The following TPRX1 variants were observed in gnomAD, a reference collection of about 807,000 sequenced individuals.
TPRX1 encodes tetrapeptide repeat homeobox 1.
In TPRX1, 2 loss-of-function variants were observed where a neutral mutation model predicts 8.1. That is an observed-to-expected ratio of 0.25 (90% CI 0.10 to 0.78). TPRX1 has a LOEUF of 0.78. Ranked by LOEUF, TPRX1 falls within the 30% of genes least tolerant of loss-of-function variation. TPRX1 has a pLI of 0.70. For missense variants in TPRX1, 517 were observed against 586.9 expected (o/e 0.88, Z 1.23); for synonymous variants, 257 against 254.1 (o/e 1.01, Z -0.11).
At chr19:47,803,140 T>G (rs548654228) in intron 3 of TPRX1, among the ~76,000 whole-genome samples, 160 bp from the exon 3 acceptor site, 27 of 98,192 alleles carry the variant, frequency 2.7e-4, no homozygotes, top group Middle Eastern at 4.7e-3. Context: ...GCCTGGAGAA[T>G]GGAGGGAAGA....
chr19:47,802,131 G>A lies in TPRX1; in HGVS notation c.1171C>T (p.Arg391Ter), dbSNP rs754457350. Residue 391 changes from arginine to a stop codon, truncating the protein, a stop_gained, in exon 4 of 4, where the codon CGA (arginine) becomes TGA (stop). Coordinates refer to ENST00000535759, the Ensembl canonical transcript of TPRX1. LOFTEE classifies it low-confidence loss of function (END_TRUNC). ...AGGCCTGGAAGTGAGCCAGGGCTTC[G>A]CATCCGGCCAGGACTTAAGATGGGA... The A allele has an allele frequency of 2.2e-5, 35 of 1,584,622 alleles. No homozygotes were observed. Among genetic ancestry groups the A allele is most frequent in the Middle Eastern group, 1.7e-4 (1 of 5,882 alleles).
intron 2 of TPRX1, among the ~76,000 whole-genome samples, chr19:47,815,393 T>C (rs1967830440): frequency 6.8e-6 from 1 of 147,892 alleles, no homozygotes; most frequent in Non-Finnish European, 1.5e-5. Context: ...GACCTCGTGA[T>C]CCACCCACCT....
At chr19:47,805,258 A>G (rs1967725274) in intron 2 of TPRX1, among the ~76,000 whole-genome samples, 1 of 152,094 alleles carries the variant, frequency 6.6e-6, no homozygotes, top group African/African-American at 2.4e-5. Context: ...GGTTTATTCC[A>G]GTTTATATAC....
intron 2 of TPRX1, among the ~76,000 whole-genome samples, chr19:47,814,385 G>T (rs1010509303): frequency 1.2e-5 from 1 of 83,336 alleles, no homozygotes; most frequent in East Asian, 2.0e-4. Flanking sequence ...TTTATTATGC[G>T]CTGTGGCTCA....
At chr19:47,814,032 A>G (rs1967809485) in intron 2 of TPRX1, among the ~76,000 whole-genome samples, 2 of 147,832 alleles carry the variant, frequency 1.4e-5, no homozygotes, top group African/African-American at 5.0e-5. Context: ...ACCACATTTA[A>G]GGGGTTAGAA....
intron 2 of TPRX1, among the ~76,000 whole-genome samples, chr19:47,806,389 G>A (rs1599952348): frequency 6.6e-6 from 1 of 151,486 alleles, no homozygotes; most frequent in Non-Finnish European, 1.5e-5. Context: ...GCATGGTGGC[G>A]GGAGCCTGTA....
At chr19:47,818,360 C>CCATCCAT in intron 2 of TPRX1, 1 of 348,068 alleles carries the variant, frequency 2.9e-6, no homozygotes, top group Admixed American at 3.0e-5. Context: ...ATCCATCCAT[C>CCATCCAT]CATCCATCAT....
At chr19:47,802,086 C>A (rs2123709501) in exon 4 of TPRX1, 1 of 1,590,718 alleles carries the variant, frequency 6.3e-7, no homozygotes, top group Admixed American at 1.8e-5. Flanking sequence ...GGGCCTGAGC[C>A]TGGGCCTAAA....
intron 2 of TPRX1, among the ~76,000 whole-genome samples, chr19:47,808,157 C>T (rs1967751276): frequency 1.3e-5 from 2 of 151,880 alleles, no homozygotes; most frequent in Admixed American, 6.6e-5. Context: ...TCTTCTTGCC[C>T]AGGCTGGAGT....
At chr19:47,810,715 C>T (rs923793131) in intron 2 of TPRX1, among the ~76,000 whole-genome samples, 2 of 152,024 alleles carry the variant, frequency 1.3e-5, no homozygotes, top group African/African-American at 2.4e-5. Flanking sequence ...GGGGTTGACT[C>T]ATCTTTGCTC....
chr19:47,802,113 G>A (rs994520399), exon 4 of TPRX1: 1 of 1,586,750 alleles, frequency 6.3e-7, no homozygotes, highest in African/African-American at 1.3e-5. Context: ...GCTAGGCCTG[G>A]AAGTGAGCCA....
intron 2 of TPRX1, among the ~76,000 whole-genome samples, chr19:47,816,636 C>T (rs1047122971): frequency 2.0e-5 from 3 of 151,296 alleles, no homozygotes; most frequent in Non-Finnish European, 4.4e-5. Flanking sequence ...AGGTTCATGC[C>T]ATTCTCCTAC....
intron 2 of TPRX1, among the ~76,000 whole-genome samples, chr19:47,815,123 T>TATATGCAAATATATATATATATGCAA (rs1555800009): frequency 7.5e-5 from 7 of 93,808 alleles, no homozygotes; most frequent in Non-Finnish European, 1.3e-4. Context: ...ATTATATATA[T>TATATGCAAATATATATATATATGCAA]ATATATATAT....
intron 2 of TPRX1, among the ~76,000 whole-genome samples, chr19:47,817,441 G>T (rs906059881): frequency 6.6e-6 from 1 of 152,168 alleles, no homozygotes; most frequent in Non-Finnish European, 1.5e-5. Flanking sequence ...GTGCCCTCCT[G>T]ATCACCAGGT....
intron 2 of TPRX1, among the ~76,000 whole-genome samples, chr19:47,806,046 G>A (rs1416458878): frequency 2.0e-5 from 3 of 151,944 alleles, no homozygotes; most frequent in East Asian, 1.9e-4. Flanking sequence ...CCAACATGGC[G>A]AAACCCTGTC....
chr19:47,813,828 T>C (rs1458970960), intron 2 of TPRX1, among the ~76,000 whole-genome samples: 3 of 151,708 alleles, frequency 2.0e-5, no homozygotes, highest in Non-Finnish European at 4.4e-5. Flanking sequence ...GAACATTTGC[T>C]AAATGGGACT....
chr19:47,808,278 C>T lies in TPRX1; in HGVS notation c.152-4605G>A, dbSNP rs530298043. On this transcript the variant is annotated intron_variant, in intron 2 of 3. Transcript: ENST00000535759. ...TACAGGCACCCACCATGATGTCTGG[C>T]TAATTTTTGTATTTTTAGTAGAGAC... is the stretch of plus-strand genomic sequence containing the variant. Among the ~76,000 whole-genome samples, 10 of 152,018 alleles carry T rather than the reference C, an allele frequency of 6.6e-5. No individual in the cohort carries two copies. The South Asian group carries it at 2.1e-3, about 32-fold the overall frequency.
rs763185309 is a variant in TPRX1, at chr19:47,801,555, G to A, written c.*220C>T. On this transcript the variant is annotated 3_prime_UTR_variant, in exon 4 of 4. Coordinates refer to ENST00000535759, the Ensembl canonical transcript of TPRX1. ...AATGCCAGATATCCCAGTGAGCAGC[G>A]ACTCCAATCCCAGCAGAGAAACGCT... is the stretch of plus-strand genomic sequence containing the variant. The A allele has an allele frequency of 6.5e-4, 345 of 534,460 alleles. 1 individual carries two copies. The highest frequency in any genetic ancestry group is 4.4e-3 in the East Asian group (135 of 30,790). 33.1% of individuals were successfully genotyped at this position (534,460 alleles called of 1,614,324 possible). A position where few individuals can be genotyped will look rare whatever the true frequency, so the allele number is the denominator to read the frequency against.
exon 4 of TPRX1, chr19:47,801,817 C>G: frequency 6.2e-7 from 1 of 1,613,994 alleles, no homozygotes; most frequent in African/African-American, 1.3e-5. Context: ...GATTTTCATT[C>G]ACAGAGCCAC....
Sources: gnomAD v4.1 joint callset for allele counts (sites outside exome capture counted in the v4.1 genomes callset) on GRCh38, gnomAD v4.1.1 for gene constraint, MANE v1.5 for transcripts, NCBI Gene and HGNC (gene_info 2026-07-23, HGNC 2026-07-21) for gene names.